The following KCNIP3 variants were observed in gnomAD, a reference collection of about 807,000 sequenced individuals.
The protein encoded by KCNIP3 is calsenilin.
A neutral mutation model predicts 35.0 loss-of-function variants in KCNIP3; 28 were observed. That is an observed-to-expected ratio of 0.80 (90% CI 0.59 to 1.10). The LOEUF (loss-of-function observed/expected upper bound fraction) is 1.10. Among genes scored for constraint, KCNIP3 ranks in the 50% least tolerant of loss-of-function variants. KCNIP3 has a pLI of 0.00. For synonymous variants in KCNIP3, 134 were observed against 133.8 expected, an observed-to-expected ratio of 1.00 and a Z score of -0.01; for missense variants, 295 against 338.4, an observed-to-expected ratio of 0.87 and a Z score of 1.01.
intron 2 of KCNIP3, among the ~76,000 whole-genome samples, chr2:95,336,526 A>G (rs1158427256): frequency 1.3e-5 from 2 of 152,176 alleles, no homozygotes; most frequent in African/African-American, 4.8e-5. Context: ...CATCTGAGTC[A>G]TCTCTGAATT....
chr2:95,374,927 AGG>A lies in KCNIP3; in HGVS notation c.376+11_376+12del, dbSNP rs1342155719. On this transcript the variant is annotated intron_variant, in intron 4 of 8. Coordinates refer to ENST00000295225, the MANE Select transcript of KCNIP3 (RefSeq NM_013434.5). ...TTCTTCCCTCAGGGAGGTGAGTCTG[AGG>A]CAGGGCAGCCCTGCTGTGTCCCAGT... 16 of 1,613,594 alleles carry A rather than the reference AGG, an allele frequency of 9.9e-6. No homozygotes were observed. The highest frequency in any genetic ancestry group is 1.4e-5 in the Non-Finnish European group (16 of 1,179,862).
intron 2 of KCNIP3, among the ~76,000 whole-genome samples, chr2:95,341,555 T>C (rs11897976): frequency 0.77 from 117,796 of 152,078 alleles, 46,154 homozygotes; most frequent in African/African-American, 0.88. Context: ...CCCTCTTGCG[T>C]GTCTTGAGAT....
intron 2 of KCNIP3, among the ~76,000 whole-genome samples, chr2:95,332,551 AG>A (rs1429704119): frequency 6.6e-6 from 1 of 152,272 alleles, no homozygotes; most frequent in Non-Finnish European, 1.5e-5. Flanking sequence ...GGGGACGGAG[AG>A]GAGGAGGTGT....
intron 2 of KCNIP3, among the ~76,000 whole-genome samples, chr2:95,326,305 C>G (rs1446222884): frequency 6.6e-6 from 1 of 152,124 alleles, no homozygotes; most frequent in East Asian, 1.9e-4. Flanking sequence ...TACACACATA[C>G]ACATACACAC....
intron 2 of KCNIP3, among the ~76,000 whole-genome samples, chr2:95,332,662 G>T (rs1310179717): frequency 6.6e-6 from 1 of 152,214 alleles, no homozygotes; most frequent in Non-Finnish European, 1.5e-5. Context: ...GGTATTTTGT[G>T]GGCAAACACA....
chr2:95,336,929 C>T (rs1297904257), intron 2 of KCNIP3, among the ~76,000 whole-genome samples: 1 of 152,194 alleles, frequency 6.6e-6, no homozygotes, highest in African/African-American at 2.4e-5. Context: ...GGGATCTTTG[C>T]TCTGCTCTCA....
At chr2:95,359,714 C>T (rs957179402) in intron 2 of KCNIP3, among the ~76,000 whole-genome samples, 4 of 152,274 alleles carry the variant, frequency 2.6e-5, no homozygotes, top group Admixed American at 6.5e-5. Flanking sequence ...GAGGCAGCCA[C>T]GCCTCCACTG....
chr2:95,309,918 C>T (rs1437637811), intron 1 of KCNIP3, among the ~76,000 whole-genome samples: 1 of 152,238 alleles, frequency 6.6e-6, no homozygotes, highest in South Asian at 2.1e-4. Context: ...AGCAGGGGCC[C>T]TGCTGGGGGA....
chr2:95,310,326 C>T, intron 1 of KCNIP3, 29 bp from the exon 2 acceptor site: 3 of 1,612,716 alleles, frequency 1.9e-6, no homozygotes, highest in Non-Finnish European at 1.7e-6. Flanking sequence ...AGCAGGGGCT[C>T]AGGGCTGCTC....
chr2:95,320,086 C>G (rs1456056770), intron 2 of KCNIP3, among the ~76,000 whole-genome samples: 1 of 152,164 alleles, frequency 6.6e-6, no homozygotes, highest in Non-Finnish European at 1.5e-5. Flanking sequence ...GGGAGGTGCT[C>G]TCTGGGAGCA....
intron 1 of KCNIP3, 78 bp downstream of exon 1, chr2:95,297,531 A>T (rs1573472847): frequency 8.6e-7 from 1 of 1,161,776 alleles, no homozygotes; most frequent in East Asian, 2.6e-5. Flanking sequence ...GTTGCTCTGG[A>T]CCAGGAAGCC....
intron 2 of KCNIP3, among the ~76,000 whole-genome samples, chr2:95,315,957 A>T (rs1678450129): frequency 6.6e-6 from 1 of 152,222 alleles, no homozygotes; most frequent in Admixed American, 6.5e-5. Flanking sequence ...CGAGAGGTTG[A>T]TACTCGATTG....
chr2:95,325,477 C>T (rs1421737241), intron 2 of KCNIP3, among the ~76,000 whole-genome samples: 2 of 152,152 alleles, frequency 1.3e-5, no homozygotes, highest in Admixed American at 1.3e-4. Context: ...CCTGGCCAGG[C>T]AGGAGGTTCA....
At chr2:95,328,521 G>A (rs1171599981) in intron 2 of KCNIP3, among the ~76,000 whole-genome samples, 1 of 152,256 alleles carries the variant, frequency 6.6e-6, no homozygotes, top group African/African-American at 2.4e-5. Flanking sequence ...TGAATCTGGG[G>A]AGGGTGGGCT....
At chr2:95,354,309 G>C (rs928857915) in intron 2 of KCNIP3, among the ~76,000 whole-genome samples, 60 of 152,348 alleles carry the variant, frequency 3.9e-4, no homozygotes, top group African/African-American at 1.4e-3. Context: ...AACACTGCCT[G>C]GCAAGCATCG....
intron 2 of KCNIP3, among the ~76,000 whole-genome samples, chr2:95,347,685 A>G (rs1174923623): frequency 6.6e-6 from 1 of 152,366 alleles, no homozygotes; most frequent in East Asian, 1.9e-4. Flanking sequence ...CTTGGATCAG[A>G]CACTGACGGC....
At position 95,349,894 on chromosome 2, in the gene KCNIP3, C is replaced by T. The variant is rs1209843627; in HGVS notation, c.182-24402C>T. Among the ~76,000 whole-genome samples the T allele has an allele frequency of 6.6e-5, 10 of 152,324 alleles. No individual in the cohort carries two copies. In the South Asian group the frequency reaches 2.1e-3, roughly 32 times the overall value. On this transcript the variant is annotated intron_variant, in intron 2 of 8. Transcript: ENST00000295225. ...GGCCATCAAGGGGATCTCATGTTGG[C>T]TTTGGGACCTGGACCCTGTAGGGCT...
intron 2 of KCNIP3, among the ~76,000 whole-genome samples, chr2:95,339,916 C>T (rs1360245593): frequency 1.3e-5 from 2 of 152,212 alleles, no homozygotes; most frequent in Non-Finnish European, 2.9e-5. Flanking sequence ...GCCCTTTCTA[C>T]CCTGTGGCTG....
intron 5 of KCNIP3, among the ~76,000 whole-genome samples, chr2:95,380,513 G>C (rs1680310187): frequency 6.6e-6 from 1 of 152,184 alleles, no homozygotes; most frequent in South Asian, 2.1e-4. Context: ...GAGTAGCCTG[G>C]GAGGACCCCA....
Sources: allele counts gnomAD v4.1 joint callset (sites outside exome capture counted in the v4.1 genomes callset), GRCh38; gene constraint gnomAD v4.1.1; transcripts MANE v1.5; gene names NCBI Gene and HGNC (gene_info 2026-07-23, HGNC 2026-07-21).